The following UCKL1 variants were observed in gnomAD, a reference collection of about 807,000 sequenced individuals.
The protein encoded by UCKL1 is uridine-cytidine kinase-like 1.
UCKL1 carries 65 observed loss-of-function variants against 59.2 expected under a neutral mutation model. The observed-to-expected ratio is 1.10, with a 90% confidence interval of 0.90 to 1.35. The LOEUF (loss-of-function observed/expected upper bound fraction) is 1.35, where lower values mean the gene tolerates loss of function less well. Ranked by LOEUF, UCKL1 falls within the 40% of genes most tolerant of loss-of-function variation. The pLI, the probability that UCKL1 is intolerant of heterozygous loss-of-function variation, is 0.00. For synonymous variants in UCKL1, 410 were observed against 323.1 expected, an observed-to-expected ratio of 1.27 and a Z score of -2.88; for missense variants, 703 against 784.3, an observed-to-expected ratio of 0.90 and a Z score of 1.24.
At position 63,949,300 on chromosome 20, in the gene UCKL1, A is replaced by C. The variant is rs549767275; in HGVS notation, c.114-2657T>G. On this transcript the variant is annotated intron_variant, in intron 1 of 14. Coordinates refer to ENST00000354216, the MANE Select transcript of UCKL1 (RefSeq NM_017859.4). ...CGACCAGGCGAGGGCGGCCCGGGGG[A>C]CAGCACCACTGCACGGTGCCCTGAA... is the stretch of plus-strand genomic sequence containing the variant. Among the ~76,000 whole-genome samples, 3 of 152,236 alleles carry C rather than the reference A, an allele frequency of 2.0e-5. No homozygotes were observed. The East Asian group carries it at 5.8e-4, about 30-fold the overall frequency.
intron 8 of UCKL1, among the ~76,000 whole-genome samples, chr20:63,941,898 G>A (rs2054590848): frequency 6.6e-6 from 1 of 151,746 alleles, no homozygotes; most frequent in Non-Finnish European, 1.5e-5. Context: ...GGCAGGAAGA[G>A]GAAAGCGACA....
chr20:63,944,361 G>A, intron 7 of UCKL1, 36 bp downstream of exon 7: 3 of 1,533,592 alleles, frequency 2.0e-6, no homozygotes, highest in Non-Finnish European at 2.6e-6. Flanking sequence ...TAGAGGGGCT[G>A]GGGGCTAGGC....
In UCKL1 at chr20:63,953,380, A is replaced by AAAAAC. The variant is rs373074803; in HGVS notation, c.113+2875_113+2879dup. ...GGCAACAAGAGCAAAACTCCATCTC[A>AAAAAC]AAAACAAAACAAAACAAAACAAAAG... On this transcript the variant is annotated intron_variant, in intron 1 of 14. Coordinates refer to ENST00000354216, the MANE Select transcript of UCKL1 (RefSeq NM_017859.4). 4.6e-3 allele frequency: 702 copies of AAAAAC among 151,672 alleles called. 13 individuals carry two copies. In the South Asian group the frequency reaches 0.05, roughly 11 times the overall value. The allele number at this position is 151,672 out of a possible 1,614,324, so 9.4% of individuals were successfully genotyped here.
chr20:63,942,595 G>T, intron 8 of UCKL1: 1 of 753,162 alleles, frequency 1.3e-6, no homozygotes, highest in Non-Finnish European at 1.9e-6. Flanking sequence ...TTGGGGAGCA[G>T]GGCGTTCCCC....
chr20:63,950,878 G>T, intron 1 of UCKL1: 1 of 1,447,836 alleles, frequency 6.9e-7, no homozygotes. Flanking sequence ...CCCAGGGGTG[G>T]ATGCGTGGGG....
Position 63,940,441 on chromosome 20 carries a change from C to T in UCKL1, c.1347G>A (p.Val449=). 1 of 1,612,424 alleles carries T rather than the reference C, an allele frequency of 6.2e-7. No homozygotes were observed. The highest frequency in any genetic ancestry group is 8.5e-7 in the Non-Finnish European group (1 of 1,179,816). The part of the protein sequence containing the change: ...RLPKDISDDH[V]ILMDCTVSTG... ...TGGACACGGTGCAGTCCATGAGGATCACGTGGTCATCGCTGATGTCCTTGG... is the reference window on the plus strand; with the variant it reads ...TGGACACGGTGCAGTCCATGAGGATTACGTGGTCATCGCTGATGTCCTTGG... Residue 449 remains valine, a synonymous_variant, in exon 13 of 15, where the codon GTG becomes GTA. Coordinates refer to ENST00000354216, the MANE Select transcript of UCKL1 (RefSeq NM_017859.4).
Position 63,942,617 on chromosome 20 carries a change from G to A in UCKL1, c.923+1036C>T, listed in dbSNP as rs369530345. On this transcript the variant is annotated intron_variant, in intron 8 of 14. Transcript: ENST00000354216. ...GCAGGGCGTTCCCCGCAGGCCTGAG[G>A]AGGAGTGTGGGCGGTCAGGCCCCCA... The A allele has an allele frequency of 1.7e-4, 104 of 629,910 alleles. No homozygotes were observed. In the Middle Eastern group the frequency reaches 1.7e-3, roughly 11 times the overall value. 39.0% of individuals were successfully genotyped at this position (629,910 alleles called of 1,614,324 possible).
intron 1 of UCKL1, among the ~76,000 whole-genome samples, chr20:63,947,962 G>A (rs570189084): frequency 1.3e-5 from 2 of 152,318 alleles, no homozygotes; most frequent in East Asian, 3.9e-4. Context: ...GCAGCCTCTG[G>A]GGAGGCTCAA....
chr20:63,950,715 C>G, intron 1 of UCKL1: 2 of 1,477,046 alleles, frequency 1.4e-6, no homozygotes, highest in Non-Finnish European at 1.8e-6. Flanking sequence ...GACCACAGCA[C>G]AAGTGGGTGC....
intron 1 of UCKL1, 93 bp from the exon 2 acceptor site, chr20:63,946,736 C>T (rs2056342856): frequency 1.2e-5 from 16 of 1,365,626 alleles, no homozygotes; most frequent in South Asian, 2.6e-5. Flanking sequence ...CCCCCCCACC[C>T]CCTCAACAGG....
At position 63,941,021 on chromosome 20, in the gene UCKL1, C is replaced by CGTCGCGACTG. The variant is rs2054240406; in HGVS notation, c.1035_1044dup (p.Glu349GlnfsTer59). Reference sequence around the variant, plus strand: ...AGTCTCTTGGAGTAGAAGATGAACTCGTCGCGACTGGTCTCCTTGTCCCTG... The same window carrying CGTCGCGACTG: ...AGTCTCTTGGAGTAGAAGATGAACTCGTCGCGACTGGTCGCGACTGGTCTCCTTGTCCCTG... On this transcript the variant is annotated frameshift_variant, in exon 10 of 15. Transcript: ENST00000354216. LOFTEE classifies it high-confidence loss of function. 1 of 1,562,114 alleles carries CGTCGCGACTG rather than the reference C, an allele frequency of 6.4e-7. No individual in the cohort carries two copies. The highest frequency in any genetic ancestry group is 8.7e-7 in the Non-Finnish European group (1 of 1,154,408).
rs1449659969 is a variant in UCKL1, at chr20:63,945,863, C to A, written c.524G>T (p.Gly175Val). The A allele has an allele frequency of 6.2e-7, 1 of 1,613,836 alleles. No homozygotes were observed. The highest frequency in any genetic ancestry group is 1.7e-5 in the Admixed American group (1 of 60,026). Residue 175 changes from glycine to valine, a missense_variant, in exon 4 of 15, where the codon GGG (glycine) becomes GTG (valine). Transcript: ENST00000354216. ...ATAAATGGGCACCTTGACACTCTTC[C>A]CCTGCTTCAGCTTCTTGAGGGTGGA... is the stretch of plus-strand genomic sequence containing the variant. Reference protein sequence around the residue: ...IISTLKKLKQGKSVKVPIYDF... With the variant: ...IISTLKKLKQVKSVKVPIYDF...
chr20:63,942,837 G>A (rs2054995183), intron 8 of UCKL1: 2 of 417,076 alleles, frequency 4.8e-6, no homozygotes, highest in Non-Finnish European at 1.0e-5. Context: ...GGAACCTGAC[G>A]GGACAAGACC....
intron 5 of UCKL1, among the ~76,000 whole-genome samples, chr20:63,945,137 T>C (rs561052227): frequency 2.6e-5 from 4 of 152,248 alleles, no homozygotes; most frequent in South Asian, 2.1e-4. Context: ...GTGGCGAGTT[T>C]AGGGTCTGTC....
Position 63,940,043 on chromosome 20 carries a change from T to C in UCKL1, c.1580A>G (p.Asp527Gly). Residue 527 changes from aspartate (D) to glycine (G), a missense_variant, in exon 15 of 15, where the codon GAC (aspartate) becomes GGC (glycine). Coordinates refer to ENST00000354216, the MANE Select transcript of UCKL1 (RefSeq NM_017859.4). Reference sequence around the variant, plus strand: ...GACCGCGTCTGTCCCAAAGTAGCGGTCGCCAAAGTTCCCTGGAAAAAGGGG... The same window carrying C: ...GACCGCGTCTGTCCCAAAGTAGCGGCCGCCAAAGTTCCCTGGAAAAAGGGG... ...RIIPGIGNFGDRYFGTDAVPD... is the reference protein window; with the variant it reads ...RIIPGIGNFGGRYFGTDAVPD... 9.3e-7 allele frequency: 1 copy of C among 1,077,944 alleles called. No individual in the cohort carries two copies. The highest frequency in any genetic ancestry group is 1.3e-6 in the Non-Finnish European group (1 of 759,640). The allele number at this position is 1,077,944 out of a possible 1,614,324, so 66.8% of individuals were successfully genotyped here. A position where few individuals can be genotyped will look rare whatever the true frequency, so the allele number is the denominator to read the frequency against.
In UCKL1 at chr20:63,945,562, TG is replaced by T. The variant is rs2055940805; in HGVS notation, c.654+88del. On this transcript the variant is annotated intron_variant, in intron 5 of 14. Coordinates refer to ENST00000354216, the MANE Select transcript of UCKL1 (RefSeq NM_017859.4). ...CTAGGCCTATACAGTGTGGAGGCCT[TG>T]GGGACAGGGCAGGAGGACGCACACC... 3 of 1,396,812 alleles carry T rather than the reference TG, an allele frequency of 2.1e-6. No homozygotes were observed. In the Admixed American group the frequency reaches 5.4e-5, roughly 25 times the overall value. The allele number at this position is 1,396,812 out of a possible 1,614,324, so 86.5% of individuals were successfully genotyped here. A position where few individuals can be genotyped will look rare whatever the true frequency, so the allele number is the denominator to read the frequency against.
rs752028551 is a variant in UCKL1, at chr20:63,946,649, G to C, written c.114-6C>G. ...CCAGGGACTCTGCATTGCTGCTGCA[G>C]AGAGGGATGTACTCGGATGTGGCCC... On this transcript the variant is annotated splice_region_variant and splice_polypyrimidine_tract_variant and intron_variant, in intron 1 of 14. Transcript: ENST00000354216. 6.8e-6 allele frequency: 11 copies of C among 1,605,962 alleles called. No homozygotes were observed. In the South Asian group the frequency reaches 7.7e-5, roughly 11 times the overall value.
chr20:63,950,973 G>A (rs561658642), intron 1 of UCKL1: 9 of 1,305,022 alleles, frequency 6.9e-6, no homozygotes, highest in Non-Finnish European at 7.8e-6. Flanking sequence ...CCGGCCACCT[G>A]AACTGGCCCT....
intron 1 of UCKL1, among the ~76,000 whole-genome samples, chr20:63,949,897 G>A (rs1240365179): frequency 6.6e-6 from 1 of 152,268 alleles, no homozygotes; most frequent in Non-Finnish European, 1.5e-5. Flanking sequence ...TTGAGGGACA[G>A]ACACCAGACG....
Sources: gnomAD v4.1 joint callset for allele counts (sites outside exome capture counted in the v4.1 genomes callset) on GRCh38, gnomAD v4.1.1 for gene constraint, MANE v1.5 for transcripts, NCBI Gene and HGNC (gene_info 2026-07-23, HGNC 2026-07-21) for gene names.